Variants in LYRM4 observed in about 807,000 individuals in gnomAD.
LYRM4 encodes LYR motif-containing protein 4.
LYRM4 carries 9 observed loss-of-function variants against 11.7 expected under a neutral mutation model. The ratio of observed to expected loss-of-function variants is 0.77; its 90% confidence interval spans 0.46 to 1.34. LYRM4 has a LOEUF of 1.34. LYRM4 is among the 40% of genes most tolerant of loss of function. LYRM4 has a pLI of 0.00. For synonymous variants in LYRM4, 42 were observed against 40.4 expected (o/e 1.04, Z -0.15); for missense variants, 133 against 112.5 (o/e 1.18, Z -0.82).
intron 2 of LYRM4, chr6:5,186,874 C>G: frequency 2.3e-6 from 1 of 440,866 alleles, no homozygotes; most frequent in Non-Finnish European, 3.7e-6. Context: ...ATCCCAGCTA[C>G]TCGGGAGGCT....
At chr6:5,152,291 C>T (rs764724276) in intron 2 of LYRM4, among the ~76,000 whole-genome samples, 15 of 152,140 alleles carry the variant, frequency 9.9e-5, no homozygotes, top group Non-Finnish European at 2.2e-4. Flanking sequence ...TGATCAGCTG[C>T]AGGCAAGTAT....
the LYRM4 span, among the ~76,000 whole-genome samples, chr6:5,038,628 A>C: frequency 3.1e-5 from 2 of 64,118 alleles, 1 homozygote; most frequent in Admixed American, 4.3e-4. Flanking sequence ...CTCCGTCCGC[A>C]ATCCCGGCAC....
chr6:5,092,395 T>A, the LYRM4 span, among the ~76,000 whole-genome samples: 1 of 152,128 alleles, frequency 6.6e-6, no homozygotes, highest in Non-Finnish European at 1.5e-5. Flanking sequence ...CAGAAACTTT[T>A]TCTTCCCATA....
At chr6:5,240,122 C>T (rs1341671200) in intron 1 of LYRM4, among the ~76,000 whole-genome samples, 3 of 152,152 alleles carry the variant, frequency 2.0e-5, no homozygotes, top group Non-Finnish European at 4.4e-5. Context: ...CTAGCTCTGC[C>T]AAACCTAGCC....
chr6:5,076,216 G>A, the LYRM4 span, among the ~76,000 whole-genome samples: 99 of 152,006 alleles, frequency 6.5e-4, 1 homozygote, highest in Admixed American at 2.9e-3. Flanking sequence ...GAAGTGTTGA[G>A]ATTACAGGTG....
chr6:5,116,289 A>C (rs1042312201), intron 2 of LYRM4, among the ~76,000 whole-genome samples: 5 of 152,244 alleles, frequency 3.3e-5, no homozygotes, highest in African/African-American at 1.2e-4. Context: ...AATTTGGCCC[A>C]GCAGAGGGTT....
At position 5,216,625 on chromosome 6, in the gene LYRM4, C is replaced by T. The variant is rs762784362; in HGVS notation, c.200G>A (p.Arg67His). 1.1e-5 allele frequency: 17 copies of T among 1,613,956 alleles called. No homozygotes were observed. The highest frequency in any genetic ancestry group is 5.3e-5 in the African/African-American group (4 of 75,028). ...ATCATTGAACCATCTTACCTGTCGA[C>T]GAATTACTCCAAGGTCTCTCTTGGC... ...NKAKRDLGVI[R>H]RQVHIGQLYS... Residue 67 changes from arginine (R) to histidine (H), a missense_variant, in exon 2 of 3, where the codon CGT becomes CAT. Physicochemically the swap from Arg to His is conservative, Grantham distance 29. Transcript: ENST00000330636.
intron 1 of LYRM4, among the ~76,000 whole-genome samples, chr6:5,227,096 G>A (rs1442709636): frequency 6.6e-6 from 1 of 152,186 alleles, no homozygotes; most frequent in African/African-American, 2.4e-5. Flanking sequence ...TTTTTAGACC[G>A]TTTATTTTGA....
intron 1 of LYRM4, among the ~76,000 whole-genome samples, chr6:5,228,248 C>T (rs959216067): frequency 3.3e-5 from 5 of 151,936 alleles, no homozygotes; most frequent in Non-Finnish European, 5.9e-5. Flanking sequence ...ATAATTGGAC[C>T]TTGGAGGAAA....
At chr6:5,086,736 G>A in the LYRM4 span, 3 of 617,820 alleles carry the variant, frequency 4.9e-6, no homozygotes, top group South Asian at 2.0e-5. Context: ...CCGCAGACAA[G>A]TGAGCGAGCT....
intron 2 of LYRM4, among the ~76,000 whole-genome samples, chr6:5,125,021 G>A (rs1011067218): frequency 6.6e-6 from 1 of 152,140 alleles, no homozygotes; most frequent in Non-Finnish European, 1.5e-5. Flanking sequence ...GGCTTCCCTC[G>A]TCTCCTAGTG....
chr6:5,141,469 T>C (rs1432358374), intron 2 of LYRM4, among the ~76,000 whole-genome samples: 2 of 152,210 alleles, frequency 1.3e-5, no homozygotes, highest in African/African-American at 2.4e-5. Context: ...GGCAGGAACT[T>C]GTAAATACAG....
chr6:5,162,900 C>T (rs1408129171), intron 2 of LYRM4, among the ~76,000 whole-genome samples: 2 of 151,944 alleles, frequency 1.3e-5, no homozygotes, highest in Non-Finnish European at 2.9e-5. Flanking sequence ...CTGGATATGG[C>T]CTTTTGTAAA....
At chr6:5,085,990 A>G in the LYRM4 span, 2 of 1,525,550 alleles carry the variant, frequency 1.3e-6, no homozygotes, top group Non-Finnish European at 1.7e-6. Context: ...AAGCTTCCCT[A>G]TGCGTGCCGA....
At chr6:5,200,538 C>A (rs1323532611) in intron 2 of LYRM4, among the ~76,000 whole-genome samples, 1 of 152,116 alleles carries the variant, frequency 6.6e-6, no homozygotes, top group Non-Finnish European at 1.5e-5. Context: ...AAAAGTGCAA[C>A]AGAATAAAAA....
At chr6:5,250,160 C>T (rs1214901444) in intron 1 of LYRM4, among the ~76,000 whole-genome samples, 3 of 151,820 alleles carry the variant, frequency 2.0e-5, no homozygotes, top group African/African-American at 4.8e-5. Context: ...ATTGCTTTGA[C>T]TCCCTCATTA....
At chr6:5,123,816 A>T (rs1468068679) in intron 2 of LYRM4, among the ~76,000 whole-genome samples, 2 of 152,242 alleles carry the variant, frequency 1.3e-5, no homozygotes, top group South Asian at 4.1e-4. Flanking sequence ...AAAGGAAGCC[A>T]TGGTCTGTGG....
At chr6:5,062,636 A>G in the LYRM4 span, among the ~76,000 whole-genome samples, 1 of 152,178 alleles carries the variant, frequency 6.6e-6, no homozygotes, top group Non-Finnish European at 1.5e-5. Context: ...CCTTGCTCAG[A>G]GCTGCAGGTG....
At chr6:5,160,249 A>C (rs1461669379) in intron 2 of LYRM4, among the ~76,000 whole-genome samples, 2 of 151,824 alleles carry the variant, frequency 1.3e-5, no homozygotes, top group Admixed American at 1.3e-4. Context: ...CCTGGGTTCA[A>C]CTCCCTTGGA....
Sources: gnomAD v4.1 joint callset for allele counts (sites outside exome capture counted in the v4.1 genomes callset) on GRCh38, gnomAD v4.1.1 for gene constraint, MANE v1.5 for transcripts, NCBI Gene and HGNC (gene_info 2026-07-23, HGNC 2026-07-21) for gene names.